The following MTUS2 variants were observed in gnomAD, a reference collection of about 807,000 sequenced individuals.
The protein encoded by MTUS2 is microtubule-associated tumor suppressor candidate 2.
MTUS2 carries 40 observed loss-of-function variants against 114.1 expected under a neutral mutation model. The ratio of observed to expected loss-of-function variants is 0.35; its 90% CI spans 0.27 to 0.46. The LOEUF (loss-of-function observed/expected upper bound fraction) is 0.46. Ranked by LOEUF, MTUS2 falls within the 20% of genes least tolerant of loss-of-function variation. The probability of loss-of-function intolerance (pLI) is 1.00; values close to 1 mark genes in which losing one functional copy is unlikely to be tolerated. For missense variants in MTUS2, 1,679 were observed against 1,705.4 expected (o/e 0.98, Z 0.27); for synonymous variants, 688 against 672.0 (o/e 1.02, Z -0.37).
chr13:29,026,321 T>C lies in MTUS2; in HGVS notation c.1623T>C (p.Thr541=). ...CAGCACCCCTCCACCCAGAGACAAC[T>C]GTGAACATGACCTACCAGCCTACAA... ...NIPAPLHPET[T]VNMTYQPTTP... is the part of the protein sequence containing the mutation. Residue 541 remains threonine, a synonymous_variant, in exon 3 of 16, where the codon ACT becomes ACC. Transcript: ENST00000612955. 6.2e-7 allele frequency: 1 copy of C among 1,613,954 alleles called. No individual in the cohort carries two copies. The highest frequency in any genetic ancestry group is 1.3e-5 in the African/African-American group (1 of 75,044).
intron 1 of MTUS2, among the ~76,000 whole-genome samples, chr13:28,830,624 A>T (rs1405028190): frequency 1.3e-5 from 2 of 152,178 alleles, no homozygotes; most frequent in Non-Finnish European, 2.9e-5. Flanking sequence ...AAGTCAAAGG[A>T]ATGAAGAGAA....
intron 6 of MTUS2, chr13:29,307,707 C>A (rs1444852417): frequency 2.7e-6 from 3 of 1,130,302 alleles, no homozygotes; most frequent in East Asian, 2.4e-5. Flanking sequence ...TTTTCAAGCT[C>A]ATTTCCTGGT....
In MTUS2 at chr13:29,153,697, C is replaced by G. The variant is rs1892749575; in HGVS notation, c.2644+52727C>G. 2.6e-5 allele frequency among the ~76,000 whole-genome samples: 4 copies of G among 152,180 alleles called. No individual in the cohort carries two copies. In the South Asian group the frequency reaches 8.3e-4, roughly 32 times the overall value. On this transcript the variant is annotated intron_variant, in intron 5 of 15. Transcript: ENST00000612955. ...TCTTGCTAAGTGACCCTCAGTATCC[C>G]CAGACCTCCTCAATTCTCTTCCTCC... is the stretch of plus-strand genomic sequence containing the variant.
intron 2 of MTUS2, among the ~76,000 whole-genome samples, chr13:28,948,073 A>C (rs1246678187): frequency 1.3e-5 from 2 of 152,248 alleles, no homozygotes; most frequent in Admixed American, 1.3e-4. Flanking sequence ...TTTCAGAGCT[A>C]GCATATTTAT....
Position 29,281,621 on chromosome 13 carries a change from A to G in MTUS2, c.2645-83A>G, listed in dbSNP as rs1218916726. The stretch of plus-strand genomic sequence containing the variant: ...AAGTTCTAAAGCAGATGACGGCAGT[A>G]GGATTGGTTGGCAAGTGCAAATGGT... On this transcript the variant is annotated intron_variant, in intron 5 of 15. Coordinates refer to ENST00000612955, the MANE Select transcript of MTUS2 (RefSeq NM_001033602.4). 2.1e-6 allele frequency: 3 copies of G among 1,411,796 alleles called. No homozygotes were observed. The African/African-American group carries it at 4.2e-5, about 20-fold the overall frequency. The allele number at this position is 1,411,796 out of a possible 1,614,324, so 87.5% of individuals were successfully genotyped here. A position where few individuals can be genotyped will look rare whatever the true frequency, so the allele number is the denominator to read the frequency against.
At chr13:29,233,972 CG>C (rs1483893881) in intron 5 of MTUS2, among the ~76,000 whole-genome samples, 1 of 152,112 alleles carries the variant, frequency 6.6e-6, no homozygotes, top group Non-Finnish European at 1.5e-5. Flanking sequence ...AGAGAAGCTA[CG>C]TAGGACTAAG....
chr13:29,255,625 G>A (rs887188677), intron 5 of MTUS2, among the ~76,000 whole-genome samples: 1 of 152,086 alleles, frequency 6.6e-6, no homozygotes, highest in Non-Finnish European at 1.5e-5. Flanking sequence ...TTGAGTGGAA[G>A]GAGATAGGAG....
intron 6 of MTUS2, chr13:29,307,375 C>T: frequency 1.2e-6 from 1 of 827,804 alleles, no homozygotes; most frequent in Non-Finnish European, 2.1e-6. Context: ...GTGTGATAGC[C>T]ATGGGGCTCT....
intron 5 of MTUS2, among the ~76,000 whole-genome samples, chr13:29,276,003 A>G (rs1898049484): frequency 6.6e-6 from 1 of 152,232 alleles, no homozygotes; most frequent in Non-Finnish European, 1.5e-5. Flanking sequence ...TCTAAGAGTT[A>G]TATATTTTTA....
At chr13:28,866,763 A>G (rs1304311054) in intron 2 of MTUS2, among the ~76,000 whole-genome samples, 2 of 152,142 alleles carry the variant, frequency 1.3e-5, no homozygotes, top group Admixed American at 6.6e-5. Context: ...AGTACTAGAC[A>G]GGTTCCTCTG....
At chr13:28,956,466 C>A (rs581625) in intron 2 of MTUS2, among the ~76,000 whole-genome samples, 120,942 of 151,954 alleles carry the variant, frequency 0.8, 48,979 homozygotes, top group East Asian at 1. Context: ...TATGAAACAT[C>A]CCAGTAAAAC....
intron 2 of MTUS2, among the ~76,000 whole-genome samples, chr13:28,874,192 AT>A (rs1363400373): frequency 6.6e-6 from 1 of 151,818 alleles, no homozygotes; most frequent in Non-Finnish European, 1.5e-5. Flanking sequence ...TAATTTTTGT[AT>A]TTTTAGTACA....
At chr13:29,115,947 G>T (rs6490356) in intron 5 of MTUS2, among the ~76,000 whole-genome samples, 25,811 of 152,182 alleles carry the variant, frequency 0.17, 2,499 homozygotes, top group Middle Eastern at 0.24. Context: ...GGGTGGTGGG[G>T]CCATAACAGA....
chr13:28,869,462 G>A (rs766953706), intron 2 of MTUS2, among the ~76,000 whole-genome samples: 1 of 152,086 alleles, frequency 6.6e-6, no homozygotes, highest in African/African-American at 2.4e-5. Context: ...AGGAATATTC[G>A]TAAAGCTTTG....
chr13:28,926,963 G>T (rs1311932485), intron 2 of MTUS2, among the ~76,000 whole-genome samples: 1 of 152,008 alleles, frequency 6.6e-6, no homozygotes, highest in African/African-American at 2.4e-5. Context: ...GGCCAATGTG[G>T]GCATAAATGG....
At chr13:28,823,593 A>G (rs779042251) in intron 1 of MTUS2, among the ~76,000 whole-genome samples, 7 of 152,162 alleles carry the variant, frequency 4.6e-5, no homozygotes, top group Non-Finnish European at 8.8e-5. Context: ...GGCTCCCCTG[A>G]GCCCTCTTCT....
chr13:28,911,502 C>T (rs1420804880), intron 2 of MTUS2, among the ~76,000 whole-genome samples: 1 of 152,012 alleles, frequency 6.6e-6, no homozygotes, highest in African/African-American at 2.4e-5. Flanking sequence ...AATATATTTT[C>T]CTTTGCGTAT....
intron 9 of MTUS2, among the ~76,000 whole-genome samples, chr13:29,463,601 A>ACC (rs1879672892): frequency 6.6e-6 from 1 of 151,696 alleles, no homozygotes; most frequent in Non-Finnish European, 1.5e-5. Context: ...GCCCTAGGTC[A>ACC]CAGCCACCGA....
At chr13:28,868,940 T>C (rs1391073110) in intron 2 of MTUS2, among the ~76,000 whole-genome samples, 1 of 152,170 alleles carries the variant, frequency 6.6e-6, no homozygotes, top group Non-Finnish European at 1.5e-5. Flanking sequence ...ATTCCATGGC[T>C]TGTGTGTGTG....
Sources: allele counts gnomAD v4.1 joint callset (sites outside exome capture counted in the v4.1 genomes callset), GRCh38; gene constraint gnomAD v4.1.1; transcripts MANE v1.5; gene names NCBI Gene and HGNC (gene_info 2026-07-23, HGNC 2026-07-21).